MBTPS1: variants seen among roughly 807,000 people sequenced by gnomAD.
The protein encoded by MBTPS1 is membrane-bound transcription factor site-1 protease.
Under a neutral mutation model 127.8 loss-of-function variants are expected in MBTPS1, and 94 were observed. The observed-to-expected ratio is 0.74, with a 90% CI of 0.62 to 0.87. The LOEUF is 0.87. Among genes scored for constraint, MBTPS1 ranks in the 40% least tolerant of loss-of-function variants. The pLI, the probability that MBTPS1 is intolerant of heterozygous loss-of-function variation, is 0.00. For synonymous variants in MBTPS1, 632 were observed against 509.4 expected (o/e 1.24, Z -3.24); for missense variants, 1,636 against 1,353.2 (o/e 1.21, Z -3.28).
chr16:84,104,777 G>GA (rs914316001), intron 1 of MBTPS1, among the ~76,000 whole-genome samples: 1 of 151,880 alleles, frequency 6.6e-6, no homozygotes, highest in Non-Finnish European at 1.5e-5. Context: ...GTTTTCAAAT[G>GA]AAAAAAAGGC....
intron 12 of MBTPS1, among the ~76,000 whole-genome samples, chr16:84,073,768 G>C (rs1444395508): frequency 6.6e-6 from 1 of 152,154 alleles, no homozygotes; most frequent in Non-Finnish European, 1.5e-5. Context: ...ACTCTGGGAG[G>C]CTGAGGTAGC....
intron 3 of MBTPS1, among the ~76,000 whole-genome samples, chr16:84,097,988 T>C (rs2086201780): frequency 6.6e-6 from 1 of 151,764 alleles, no homozygotes; most frequent in African/African-American, 2.4e-5. Context: ...TGATCGTAAA[T>C]AATAACAGAA....
intron 1 of MBTPS1, among the ~76,000 whole-genome samples, chr16:84,105,696 A>T (rs1259591396): frequency 6.6e-6 from 1 of 152,190 alleles, no homozygotes; most frequent in African/African-American, 2.4e-5. Flanking sequence ...GAGGACCTCA[A>T]GCAGGTACAC....
At position 84,101,703 on chromosome 16, in the gene MBTPS1, C is replaced by G. The variant is rs764922146; in HGVS notation, c.81G>C (p.Lys27Asn). The change falls in exon 2 of 23, where the codon AAG (lysine) becomes AAC (asparagine). Residue 27 changes from lysine (K) to asparagine (N), a missense_variant. Coordinates refer to ENST00000343411, the MANE Select transcript of MBTPS1 (RefSeq NM_003791.4). Reference sequence around the variant, plus strand: ...GGCATGGGGCCTTTTCAAAAGATTTCTTTTCCAGTCTGTCGCCCAGATGTT... The same window carrying G: ...GGCATGGGGCCTTTTCAAAAGATTTGTTTTCCAGTCTGTCGCCCAGATGTT... ...GKKHLGDRLE[K>N]KSFEKAPCPG... 1 of 1,614,176 alleles carries G rather than the reference C, an allele frequency of 6.2e-7. No homozygotes were observed. The highest frequency in any genetic ancestry group is 1.7e-5 in the Admixed American group (1 of 60,018).
At chr16:84,098,886 G>A (rs575400032) in intron 3 of MBTPS1, among the ~76,000 whole-genome samples, 167 bp downstream of exon 3, 72 of 151,890 alleles carry the variant, frequency 4.7e-4, no homozygotes, top group Middle Eastern at 6.8e-3. Flanking sequence ...CCGACCCTGC[G>A]CACTAAACAA....
At chr16:84,070,094 A>G in intron 13 of MBTPS1, 56 bp from the exon 14 acceptor site, 1 of 1,427,820 alleles carries the variant, frequency 7.0e-7, no homozygotes, top group Non-Finnish European at 9.5e-7. Context: ...AGAAACTTTC[A>G]GGTTTGAAAA....
intron 1 of MBTPS1, among the ~76,000 whole-genome samples, chr16:84,112,043 A>G (rs2086404901): frequency 6.6e-6 from 1 of 152,132 alleles, no homozygotes; most frequent in African/African-American, 2.4e-5. Flanking sequence ...TCTACTAAAA[A>G]TACAAAAAAT....
At chr16:84,083,238 C>G (rs1313243856) in intron 10 of MBTPS1, among the ~76,000 whole-genome samples, 1 of 152,190 alleles carries the variant, frequency 6.6e-6, no homozygotes, top group Non-Finnish European at 1.5e-5. Context: ...TACAAGTGTG[C>G]AAACAGGCCA....
chr16:84,115,186 C>T (rs1454821080), intron 1 of MBTPS1, among the ~76,000 whole-genome samples: 1 of 152,160 alleles, frequency 6.6e-6, no homozygotes, highest in Non-Finnish European at 1.5e-5. Context: ...CTCGGCCTCC[C>T]AAATTGTGGG....
chr16:84,080,525 C>T (rs1325578369), intron 11 of MBTPS1, among the ~76,000 whole-genome samples: 1 of 152,250 alleles, frequency 6.6e-6, no homozygotes, highest in Admixed American at 6.5e-5. Flanking sequence ...CAGGTCTCCT[C>T]TGCAGGACAC....
At position 84,091,868 on chromosome 16, in the gene MBTPS1, G is replaced by C. The variant is rs765710898; in HGVS notation, c.847-20C>G. Reference sequence around the variant, plus strand: ...AGATACCTAGTTAAATATTATAACAGTCTGCTTAGTGTTTCAATCAAGTTT... The same window carrying C: ...AGATACCTAGTTAAATATTATAACACTCTGCTTAGTGTTTCAATCAAGTTT... On this transcript the variant is annotated intron_variant, in intron 6 of 22. Transcript: ENST00000343411. 3.8e-6 allele frequency: 5 copies of C among 1,331,622 alleles called. No individual in the cohort carries two copies. The highest frequency in any genetic ancestry group is 2.3e-5 in the East Asian group (1 of 43,576). 82.5% of individuals were successfully genotyped at this position (1,331,622 alleles called of 1,614,324 possible). A position where few individuals can be genotyped will look rare whatever the true frequency, so the allele number is the denominator to read the frequency against.
At chr16:84,114,105 C>G (rs2086436246) in intron 1 of MBTPS1, among the ~76,000 whole-genome samples, 1 of 150,048 alleles carries the variant, frequency 6.7e-6, no homozygotes, top group Non-Finnish European at 1.5e-5. Context: ...GCTGGGACTA[C>G]AGGCGCATGC....
chr16:84,097,245 C>T (rs1050608052), intron 3 of MBTPS1, among the ~76,000 whole-genome samples: 11 of 152,190 alleles, frequency 7.2e-5, no homozygotes, highest in African/African-American at 2.4e-4. Flanking sequence ...AAACCTTCTA[C>T]GAGTAACAGC....
In MBTPS1 at chr16:84,087,254, G is replaced by A. The variant is rs1001104013; in HGVS notation, c.1134+104C>T. 1.7e-5 allele frequency: 14 copies of A among 818,222 alleles called. No homozygotes were observed. In the African/African-American group the frequency reaches 2.4e-4, roughly 14 times the overall value. The allele number at this position is 818,222 out of a possible 1,614,324, so 50.7% of individuals were successfully genotyped here. A position where few individuals can be genotyped will look rare whatever the true frequency, so the allele number is the denominator to read the frequency against. ...GCTATTCCCATGTGAATGTGAGGGT[G>A]TCTGTGCACTTACAAATACACCCCA... On this transcript the variant is annotated intron_variant, in intron 9 of 22. Transcript: ENST00000343411.
intron 1 of MBTPS1, among the ~76,000 whole-genome samples, chr16:84,105,313 A>G (rs1474714381): frequency 6.6e-6 from 1 of 152,202 alleles, no homozygotes; most frequent in Non-Finnish European, 1.5e-5. Context: ...AACACGGACT[A>G]TTAGCTAGTC....
chr16:84,078,671 T>C (rs1413291476), intron 11 of MBTPS1, among the ~76,000 whole-genome samples: 6 of 152,168 alleles, frequency 3.9e-5, no homozygotes, highest in Non-Finnish European at 5.9e-5. Context: ...TGTAGACAAG[T>C]AGTGGCTTAA....
At position 84,113,425 on chromosome 16, in the gene MBTPS1, C is replaced by G. The variant is rs540558758; in HGVS notation, c.-325+3310G>C. On this transcript the variant is annotated intron_variant, in intron 1 of 22. Transcript: ENST00000343411. The stretch of plus-strand genomic sequence containing the variant: ...ACGTATAATTAAAAATTTTTGACAT[C>G]AAGTACTAACTGAAAAAGACACCGT... Among the ~76,000 whole-genome samples the G allele has an allele frequency of 1.2e-4, 18 of 152,260 alleles. No individual in the cohort carries two copies. The South Asian group carries it at 2.7e-3, about 23-fold the overall frequency.
At chr16:84,091,703 C>T (rs371551954) in intron 7 of MBTPS1, 29 bp downstream of exon 7, 10 of 1,513,940 alleles carry the variant, frequency 6.6e-6, no homozygotes, top group Non-Finnish European at 9.2e-6. Flanking sequence ...AGCTGTCACC[C>T]AAACCCCGTG....
intron 19 of MBTPS1, chr16:84,061,688 G>C (rs1211170848): frequency 6.6e-6 from 1 of 152,232 alleles, no homozygotes; most frequent in African/African-American, 2.4e-5. Flanking sequence ...AGCAGAGAAA[G>C]GGCAATTTGT....
Sources: gnomAD v4.1 joint callset for allele counts (sites outside exome capture counted in the v4.1 genomes callset) on GRCh38, gnomAD v4.1.1 for gene constraint, MANE v1.5 for transcripts, NCBI Gene and HGNC (gene_info 2026-07-23, HGNC 2026-07-21) for gene names.